The following LOC400499 variants were observed in gnomAD, a reference collection of about 807,000 sequenced individuals.
the LOC400499 span, among the ~76,000 whole-genome samples, chr16:11,500,539 C>A: frequency 4.6e-5 from 3 of 64,710 alleles, no homozygotes; most frequent in South Asian, 4.2e-4. Context: ...TAATAATAAT[C>A]AGAAAAGAAG....
At chr16:11,450,918 G>C in the LOC400499 span, 4 of 1,091,004 alleles carry the variant, frequency 3.7e-6, no homozygotes, top group African/African-American at 1.6e-5. Context: ...AGCCGCAATG[G>C]ACAAATCTCA....
chr16:11,506,978 G>A, the LOC400499 span, among the ~76,000 whole-genome samples: 4 of 152,184 alleles, frequency 2.6e-5, no homozygotes, highest in Admixed American at 6.5e-5. Flanking sequence ...GGACCTCCAC[G>A]GTGGCAGTAA....
chr16:11,456,082 T>C, the LOC400499 span, among the ~76,000 whole-genome samples: 1 of 151,742 alleles, frequency 6.6e-6, no homozygotes, highest in African/African-American at 2.4e-5. Context: ...TTCACTCTTG[T>C]TGCCCAGGCT....
At chr16:11,418,846 A>G in the LOC400499 span, among the ~76,000 whole-genome samples, 1 of 152,158 alleles carries the variant, frequency 6.6e-6, no homozygotes, top group Non-Finnish European at 1.5e-5. Context: ...ATTCCCTCCC[A>G]TGCCACCCCA....
chr16:11,433,904 T>C, the LOC400499 span, among the ~76,000 whole-genome samples: 1 of 152,230 alleles, frequency 6.6e-6, no homozygotes, highest in South Asian at 2.1e-4. Context: ...TCATATCCTC[T>C]ATAATCAATG....
chr16:11,476,864 T>C, the LOC400499 span: 2 of 399,602 alleles, frequency 5.0e-6, no homozygotes, highest in Non-Finnish European at 8.8e-6. Context: ...CTGGCGGCGC[T>C]GCGGACGCTG....
At chr16:11,402,299 A>AT in the LOC400499 span, 4 of 396,844 alleles carry the variant, frequency 1.0e-5, no homozygotes, top group Non-Finnish European at 1.8e-5. Context: ...CAGCCAGATA[A>AT]TTTTCACAAA....
the LOC400499 span, chr16:11,449,133 A>G: frequency 7.1e-7 from 1 of 1,408,956 alleles, no homozygotes; most frequent in East Asian, 2.6e-5. Flanking sequence ...GAGGGGGACC[A>G]AGGCCTTTGC....
the LOC400499 span, among the ~76,000 whole-genome samples, chr16:11,415,107 C>A: frequency 4.6e-5 from 7 of 152,180 alleles, no homozygotes; most frequent in Non-Finnish European, 7.3e-5. Flanking sequence ...CTGCTCCCCA[C>A]AAATGGCCAC....
At chr16:11,409,226 A>C in the LOC400499 span, among the ~76,000 whole-genome samples, 1 of 152,062 alleles carries the variant, frequency 6.6e-6, no homozygotes, top group African/African-American at 2.4e-5. Flanking sequence ...ACGCCTCTGC[A>C]CTCCAGCGTG....
the LOC400499 span, chr16:11,435,659 T>C: frequency 5.0e-6 from 2 of 399,240 alleles, no homozygotes; most frequent in Admixed American, 8.8e-5. Context: ...TGGGGACCAT[T>C]ACCTTGCTGG....
the LOC400499 span, among the ~76,000 whole-genome samples, chr16:11,490,598 G>C: frequency 6.6e-6 from 1 of 152,110 alleles, no homozygotes; most frequent in Non-Finnish European, 1.5e-5. Flanking sequence ...CTACTTGGGA[G>C]GCTGAGGAAG....
the LOC400499 span, among the ~76,000 whole-genome samples, chr16:11,517,747 G>A: frequency 6.6e-6 from 1 of 152,198 alleles, no homozygotes; most frequent in Non-Finnish European, 1.5e-5. Flanking sequence ...TGGCAGAAAG[G>A]TGCCTGGGTC....
At chr16:11,401,447 C>G in the LOC400499 span, 1 of 399,302 alleles carries the variant, frequency 2.5e-6, no homozygotes, top group African/African-American at 2.1e-5. Flanking sequence ...CTTGCCCAGA[C>G]AGACTGCACC....
chr16:11,404,396 G>A, the LOC400499 span, among the ~76,000 whole-genome samples: 1 of 152,074 alleles, frequency 6.6e-6, no homozygotes, highest in Non-Finnish European at 1.5e-5. Context: ...GCTCAGGCTG[G>A]AATGCACTGG....
the LOC400499 span, among the ~76,000 whole-genome samples, chr16:11,457,939 C>CA: frequency 6.6e-6 from 1 of 152,230 alleles, no homozygotes. Flanking sequence ...CGGTGGCTCA[C>CA]ACCTGTAATC....
chr16:11,383,988 G>A, the LOC400499 span: 1 of 1,231,728 alleles, frequency 8.1e-7, no homozygotes, highest in Non-Finnish European at 1.0e-6. Flanking sequence ...GCTTCTCAGT[G>A]GCCCTGCAGT....
At chr16:11,396,618 G>A in the LOC400499 span, 36 of 1,232,144 alleles carry the variant, frequency 2.9e-5, 1 homozygote, top group Admixed American at 9.3e-4. Context: ...AGGTGGCAGC[G>A]GGAACGCAGC....
chr16:11,483,240 G>C, the LOC400499 span, among the ~76,000 whole-genome samples: 1 of 152,172 alleles, frequency 6.6e-6, no homozygotes, highest in Non-Finnish European at 1.5e-5. Flanking sequence ...CCACTTGGGA[G>C]AATGGTTTAG....
Sources: gnomAD v4.1 joint callset for allele counts (sites outside exome capture counted in the v4.1 genomes callset) on GRCh38, gnomAD v4.1.1 for gene constraint, MANE v1.5 for transcripts.